PCDH9: variants seen among roughly 807,000 people sequenced by gnomAD.
PCDH9 encodes the protein protocadherin-9.
A neutral mutation model predicts 70.6 loss-of-function variants in PCDH9; 24 were observed. The ratio of observed to expected loss-of-function variants is 0.34; its 90% CI spans 0.25 to 0.48. PCDH9 has a LOEUF of 0.48. Among genes scored for constraint, PCDH9 ranks in the 20% least tolerant of loss-of-function variants. The pLI, the probability that PCDH9 is intolerant of heterozygous loss-of-function variation, is 0.99. For synonymous variants in PCDH9, 562 were observed against 558.5 expected, an observed-to-expected ratio of 1.01 and a Z score of -0.09; for missense variants, 1,281 against 1,503.6, an observed-to-expected ratio of 0.85 and a Z score of 2.45.
chr13:67,066,618 T>A (rs1433052736), intron 2 of PCDH9, among the ~76,000 whole-genome samples: 1 of 152,208 alleles, frequency 6.6e-6, no homozygotes, highest in African/African-American at 2.4e-5. Context: ...TCTATTTTTT[T>A]AAATATATGA....
intron 4 of PCDH9, among the ~76,000 whole-genome samples, chr13:66,370,951 T>A (rs1329983337): frequency 6.6e-6 from 1 of 152,132 alleles, no homozygotes; most frequent in Non-Finnish European, 1.5e-5. Context: ...TTTTTAAACA[T>A]CTCATCATGG....
At chr13:66,376,876 G>GT (rs1014611601) in intron 4 of PCDH9, among the ~76,000 whole-genome samples, 2 of 152,094 alleles carry the variant, frequency 1.3e-5, no homozygotes, top group African/African-American at 2.4e-5. Context: ...AAATTGAAAT[G>GT]TTTTTTGTTA....
intron 2 of PCDH9, among the ~76,000 whole-genome samples, chr13:67,043,628 T>C (rs1432271246): frequency 6.6e-6 from 1 of 152,142 alleles, no homozygotes; most frequent in Non-Finnish European, 1.5e-5. Context: ...TCTAGGCTGA[T>C]TTATAAAGAG....
At chr13:66,449,083 T>A (rs1459279200) in intron 4 of PCDH9, among the ~76,000 whole-genome samples, 1 of 152,156 alleles carries the variant, frequency 6.6e-6, no homozygotes, top group Non-Finnish European at 1.5e-5. Context: ...GATAAAATCA[T>A]CTGCTCCTCC....
In PCDH9 at chr13:66,775,360, G is replaced by A. The variant is rs149227974; in HGVS notation, c.3138+128144C>T. Among the ~76,000 whole-genome samples the A allele has an allele frequency of 3.4e-4, 51 of 152,160 alleles. 2 individuals carry two copies. The East Asian group carries it at 3.5e-3, about 10-fold the overall frequency. Reference sequence around the variant, plus strand: ...GGCTTTGTTAATAATTAAGCTGGACGAGCAGGTACAAACAGAGACTGTTGC... The same window carrying A: ...GGCTTTGTTAATAATTAAGCTGGACAAGCAGGTACAAACAGAGACTGTTGC... On this transcript the variant is annotated intron_variant, in intron 3 of 4. Transcript: ENST00000377865.
chr13:67,010,572 A>T (rs2084434168), intron 2 of PCDH9, among the ~76,000 whole-genome samples: 1 of 151,992 alleles, frequency 6.6e-6, no homozygotes, highest in East Asian at 1.9e-4. Flanking sequence ...GATGGCTATT[A>T]TTTGATGAAT....
rs1294854201 is a variant in PCDH9 at position 67,226,892 on chromosome 13, G to C, written c.1549C>G (p.Leu517Val). The change falls in exon 2 of 5, where the codon CTG becomes GTG. Residue 517 changes from leucine to valine, a missense_variant. Around this residue, in one of 4 missense-constraint regions of PCDH9, gnomAD observed 798 missense variants for 1,003.1 expected, o/e 0.80. Coordinates refer to ENST00000377865, the MANE Select transcript of PCDH9 (RefSeq NM_203487.3). This position sits in a 1 kb window ranked among gnomAD's most constrained non-coding sequence, Gnocchi z 5.0. The part of the protein sequence containing the change: ...QLGPNASFFD[L>V]DRKTGVLTAS... ...GTCAAAACTCCTGTTTTTCGGTCCA[G>C]ATCAAAGAAGGAGGCATTCGGTCCA... 6.2e-7 allele frequency: 1 copy of C among 1,614,180 alleles called. No individual in the cohort carries two copies. The highest frequency in any genetic ancestry group is 8.5e-7 in the Non-Finnish European group (1 of 1,180,012).
At chr13:66,370,759 C>T (rs186401484) in intron 4 of PCDH9, among the ~76,000 whole-genome samples, 1 of 152,142 alleles carries the variant, frequency 6.6e-6, no homozygotes, top group Admixed American at 6.6e-5. Flanking sequence ...AACAATCCAC[C>T]TGCCTCAGAC....
At chr13:66,701,692 AT>A (rs150775643) in intron 3 of PCDH9, among the ~76,000 whole-genome samples, 27 of 151,626 alleles carry the variant, frequency 1.8e-4, no homozygotes, top group African/African-American at 6.1e-4. Context: ...TTTTGTTTGT[AT>A]TTTTTTTCAG....
intron 2 of PCDH9, among the ~76,000 whole-genome samples, chr13:66,981,527 T>C (rs1217186675): frequency 1.3e-5 from 2 of 152,056 alleles, no homozygotes; most frequent in Non-Finnish European, 2.9e-5. Context: ...CTTCATTATT[T>C]ACTATAATTA....
intron 2 of PCDH9, among the ~76,000 whole-genome samples, chr13:66,983,648 C>A (rs931560920): frequency 6.6e-6 from 1 of 152,074 alleles, no homozygotes; most frequent in Non-Finnish European, 1.5e-5. Flanking sequence ...CGACAGAAAT[C>A]ATAAAACTTT....
At chr13:66,431,885 A>T (rs563763059) in intron 4 of PCDH9, among the ~76,000 whole-genome samples, 12 of 152,096 alleles carry the variant, frequency 7.9e-5, no homozygotes, top group African/African-American at 2.9e-4. Flanking sequence ...AGACTATTGG[A>T]AAAAGACAAG....
intron 2 of PCDH9, among the ~76,000 whole-genome samples, chr13:67,137,603 C>T (rs964031991): frequency 6.6e-6 from 1 of 152,144 alleles, no homozygotes; most frequent in Non-Finnish European, 1.5e-5. Context: ...TTTTATAATA[C>T]ATTTTAGAAC....
At chr13:66,739,917 C>T (rs1175785681) in intron 3 of PCDH9, among the ~76,000 whole-genome samples, 1 of 147,534 alleles carries the variant, frequency 6.8e-6, no homozygotes, top group East Asian at 2.1e-4. Context: ...CCACTGTCAA[C>T]ATTAGACAGA....
chr13:66,768,423 A>G (rs1773499000), intron 3 of PCDH9, among the ~76,000 whole-genome samples: 1 of 152,106 alleles, frequency 6.6e-6, no homozygotes, highest in African/African-American at 2.4e-5. Flanking sequence ...AATAAATTTA[A>G]GGATGAGATG....
chr13:66,375,147 G>C (rs1167127698), intron 4 of PCDH9, among the ~76,000 whole-genome samples: 1 of 151,972 alleles, frequency 6.6e-6, no homozygotes, highest in Non-Finnish European at 1.5e-5. Flanking sequence ...TTTATCAAAA[G>C]TTGCCAGTCA....
chr13:67,158,621 A>G (rs1357488089), intron 2 of PCDH9, among the ~76,000 whole-genome samples: 2 of 152,216 alleles, frequency 1.3e-5, no homozygotes, highest in Non-Finnish European at 2.9e-5. Context: ...TGCTTTCACC[A>G]GACACCAGAT....
chr13:66,476,380 G>A (rs1958729238), intron 4 of PCDH9, among the ~76,000 whole-genome samples: 1 of 152,004 alleles, frequency 6.6e-6, no homozygotes, highest in South Asian at 2.1e-4. Flanking sequence ...CATAGAGATA[G>A]ATAAAAGACT....
chr13:66,947,191 T>A (rs2083102193), intron 2 of PCDH9, among the ~76,000 whole-genome samples: 1 of 152,144 alleles, frequency 6.6e-6, no homozygotes, highest in Non-Finnish European at 1.5e-5. Flanking sequence ...AATTTTTCAT[T>A]CTGTACATTT....
Sources: allele counts gnomAD v4.1 joint callset (sites outside exome capture counted in the v4.1 genomes callset), GRCh38; gene constraint gnomAD v4.1.1; regional missense constraint gnomAD v4.1.1; non-coding constraint Gnocchi (gnomAD v3.1); transcripts MANE v1.5; gene names NCBI Gene and HGNC (gene_info 2026-07-23, HGNC 2026-07-21).